CGGBP1: variants seen among roughly 807,000 people sequenced by gnomAD.
CGGBP1 encodes the protein CGG triplet repeat binding protein 1.
CGGBP1 carries 4 observed loss-of-function variants against 11.4 expected under a neutral mutation model. The ratio of observed to expected loss-of-function variants is 0.35; its 90% CI spans 0.17 to 0.80. The LOEUF is 0.80. Among genes scored for constraint, CGGBP1 ranks in the 30% least tolerant of loss-of-function variants. The probability of loss-of-function intolerance (pLI) is 0.52; values close to 1 mark genes in which losing one functional copy is unlikely to be tolerated. For missense variants in CGGBP1, 135 were observed against 202.1 expected, an observed-to-expected ratio of 0.67 and a Z score of 2.01; for synonymous variants, 76 against 74.1, an observed-to-expected ratio of 1.03 and a Z score of -0.13.
chr3:88,134,971 C>T (rs1015732943), intron 2 of CGGBP1: 8 of 922,310 alleles, frequency 8.7e-6, no homozygotes, highest in South Asian at 5.7e-5. Flanking sequence ...TACATCCCAG[C>T]CAGGGCACTA....
chr3:88,096,202 G>A (rs1432229843), intron 2 of CGGBP1, among the ~76,000 whole-genome samples: 1 of 151,942 alleles, frequency 6.6e-6, no homozygotes, highest in Non-Finnish European at 1.5e-5. Context: ...CACTTTTAAA[G>A]GTGTTAGATG....
chr3:88,134,807 A>G (rs1324132625), intron 2 of CGGBP1, among the ~76,000 whole-genome samples: 1 of 152,010 alleles, frequency 6.6e-6, no homozygotes, highest in East Asian at 1.9e-4. Context: ...CTGATACTGG[A>G]GACATCTTAG....
chr3:88,059,240 G>A (rs541439861), upstream of CGGBP1: 9 of 1,521,420 alleles, frequency 5.9e-6, no homozygotes, highest in East Asian at 1.2e-4. Context: ...GGGAACTAGA[G>A]AGGAGGAGGA....
At chr3:88,140,775 C>T (rs751630765) in intron 2 of CGGBP1, 5 of 1,613,738 alleles carry the variant, frequency 3.1e-6, no homozygotes, top group Non-Finnish European at 1.7e-6. Flanking sequence ...GACAAGTGAA[C>T]ATACTTCATA....
rs1706502833 is a variant in CGGBP1, at chr3:88,054,698, G to A, written c.*775C>T. 6.6e-6 allele frequency: 1 copy of A among 152,532 alleles called. No individual in the cohort carries two copies. Among genetic ancestry groups the A allele is most frequent in the African/African-American group, 2.4e-5 (1 of 41,442 alleles). 9.4% of individuals were successfully genotyped at this position (152,532 alleles called of 1,614,324 possible). A position where few individuals can be genotyped will look rare whatever the true frequency, so the allele number is the denominator to read the frequency against. On this transcript the variant is annotated 3_prime_UTR_variant, in exon 4 of 4. Transcript: ENST00000482016. ...TGAAATCTTTTAACACCAAGACATAGAAAAAAGTTTAGAAATTCAAGATGA... is the reference window on the plus strand; with the variant it reads ...TGAAATCTTTTAACACCAAGACATAAAAAAAAGTTTAGAAATTCAAGATGA...
At chr3:88,104,658 T>A (rs1482421037) in intron 2 of CGGBP1, among the ~76,000 whole-genome samples, 1 of 152,226 alleles carries the variant, frequency 6.6e-6, no homozygotes, top group African/African-American at 2.4e-5. Flanking sequence ...TAAAGATATG[T>A]ATATTTGTAA....
intron 1 of CGGBP1, among the ~76,000 whole-genome samples, chr3:88,145,851 CTT>C (rs1327288639): frequency 6.6e-6 from 1 of 152,168 alleles, no homozygotes; most frequent in Non-Finnish European, 1.5e-5. Context: ...GAACACTGCT[CTT>C]TAGACACCAA....
In CGGBP1 at chr3:88,052,888, G is replaced by A. The variant is rs1706459204; in HGVS notation, c.*2585C>T. 6.6e-6 allele frequency: 1 copy of A among 152,528 alleles called. No homozygotes were observed. Among genetic ancestry groups the A allele is most frequent in the Non-Finnish European group, 1.5e-5 (1 of 67,982 alleles). 9.4% of individuals were successfully genotyped at this position (152,528 alleles called of 1,614,324 possible). On this transcript the variant is annotated 3_prime_UTR_variant, in exon 4 of 4. Coordinates refer to ENST00000482016, the MANE Select transcript of CGGBP1 (RefSeq NM_001008390.2). The stretch of plus-strand genomic sequence containing the variant: ...AACAAAGAATTGAACATTTCAACAA[G>A]CTAGGAAATATTTACTGTAAGCATA...
At chr3:88,086,169 A>T in intron 2 of CGGBP1, 1 of 1,247,174 alleles carries the variant, frequency 8.0e-7, no homozygotes, top group Non-Finnish European at 1.1e-6. Flanking sequence ...CTAATATTTT[A>T]ATTTATCCAG....
chr3:88,090,818 C>T (rs1576250376), intron 2 of CGGBP1, among the ~76,000 whole-genome samples: 1 of 152,068 alleles, frequency 6.6e-6, no homozygotes, highest in Non-Finnish European at 1.5e-5. Flanking sequence ...ATTGTCTTGG[C>T]CCATACATAA....
chr3:88,135,509 A>C, intron 2 of CGGBP1: 1 of 183,430 alleles, frequency 5.5e-6, no homozygotes, highest in Non-Finnish European at 1.1e-5. Flanking sequence ...ACTAATTTGC[A>C]AATAAACTTG....
rs1457925811 is a variant in CGGBP1, at chr3:88,054,528, T to G, written c.*945A>C. 1.3e-5 allele frequency: 2 copies of G among 152,146 alleles called. No homozygotes were observed. Among genetic ancestry groups the G allele is most frequent in the Admixed American group, 6.5e-5 (1 of 15,270 alleles). 9.4% of individuals were successfully genotyped at this position (152,146 alleles called of 1,614,324 possible). A position where few individuals can be genotyped will look rare whatever the true frequency, so the allele number is the denominator to read the frequency against. ...TTGTTTCTAGTCTAGACTATTCACC[T>G]AAATAAACTCATAAAGTTGTAGAGA... On this transcript the variant is annotated 3_prime_UTR_variant, in exon 4 of 4. Coordinates refer to ENST00000482016, the MANE Select transcript of CGGBP1 (RefSeq NM_001008390.2).
chr3:88,111,139 G>A (rs1412896271), intron 2 of CGGBP1, among the ~76,000 whole-genome samples: 1 of 152,038 alleles, frequency 6.6e-6, no homozygotes. Flanking sequence ...TCCATTAGAT[G>A]TTTAAAGATG....
At chr3:88,104,920 C>T (rs1233808902) in intron 2 of CGGBP1, among the ~76,000 whole-genome samples, 2 of 152,234 alleles carry the variant, frequency 1.3e-5, no homozygotes, top group Non-Finnish European at 2.9e-5. Flanking sequence ...GGGCAGATTA[C>T]TTCAGGCCGG....
intron 2 of CGGBP1, among the ~76,000 whole-genome samples, chr3:88,134,678 TAG>T (rs1294435969): frequency 1.3e-5 from 2 of 152,126 alleles, no homozygotes; most frequent in Admixed American, 6.6e-5. Flanking sequence ...CATTTCTTTA[TAG>T]AGAGTCTACA....
Position 88,052,134 on chromosome 3 carries a change from T to C in CGGBP1, c.*3339A>G, listed in dbSNP as rs981167433. The C allele has an allele frequency of 6.6e-5, 10 of 152,574 alleles. No homozygotes were observed. The highest frequency in any genetic ancestry group is 1.3e-4 in the Admixed American group (2 of 15,274). 9.5% of individuals were successfully genotyped at this position (152,574 alleles called of 1,614,324 possible). ...ATAAGCACAGAATACAAAAATGAAA[T>C]AGTAAAATTTTAATACAGTATTCTG... On this transcript the variant is annotated 3_prime_UTR_variant, in exon 4 of 4. Transcript: ENST00000482016.
intron 2 of CGGBP1, chr3:88,140,252 G>A (rs757750732): frequency 4.3e-6 from 7 of 1,613,696 alleles, no homozygotes; most frequent in Non-Finnish European, 5.9e-6. Flanking sequence ...TTCCTCTGCT[G>A]TATGAACATG....
At chr3:88,109,142 A>AGTGTGTGT (rs35595112) in intron 2 of CGGBP1, among the ~76,000 whole-genome samples, 9,790 of 142,378 alleles carry the variant, frequency 0.069, 343 homozygotes, top group Middle Eastern at 0.077. Context: ...AGTGGGCACT[A>AGTGTGTGT]GTGTGTGTGT....
chr3:88,130,706 C>T (rs1576340824), intron 2 of CGGBP1, among the ~76,000 whole-genome samples: 1 of 151,142 alleles, frequency 6.6e-6, no homozygotes, highest in Non-Finnish European at 1.5e-5. Context: ...AATCTGCCCT[C>T]CTCAGCCTCC....
Sources: gnomAD v4.1 joint callset for allele counts (sites outside exome capture counted in the v4.1 genomes callset) on GRCh38, gnomAD v4.1.1 for gene constraint, MANE v1.5 for transcripts, NCBI Gene and HGNC (gene_info 2026-07-23, HGNC 2026-07-21) for gene names.